Variants in HMSD observed in about 807,000 individuals in gnomAD.
HMSD encodes serpin-like protein HMSD.
Under a neutral mutation model 10.0 loss-of-function variants are expected in HMSD, and 13 were observed. The observed-to-expected ratio is 1.31, with a 90% CI of 0.85 to 2.08. HMSD has a LOEUF of 2.08. Ranked by LOEUF, HMSD falls within the 30% of genes most tolerant of loss-of-function variation. HMSD has a pLI of 0.00. For synonymous variants in HMSD, 51 were observed against 54.2 expected (o/e 0.94, Z 0.26); for missense variants, 169 against 166.3 (o/e 1.02, Z -0.09).
chr18:63,953,172 T>C (rs66537233), intron 1 of HMSD, among the ~76,000 whole-genome samples, 182 bp from the exon 2 acceptor site: 49,722 of 152,054 alleles, frequency 0.33, 8,872 homozygotes, highest in African/African-American at 0.47. Flanking sequence ...ACAGCACCTA[T>C]CTCATCAGCT....
intron 1 of HMSD, among the ~76,000 whole-genome samples, chr18:63,952,039 AC>A (rs2050333262): frequency 6.6e-6 from 1 of 150,650 alleles, no homozygotes; most frequent in African/African-American, 2.4e-5. Flanking sequence ...TATCGCAAGA[AC>A]AAAAAACCAA....
At position 63,949,384 on chromosome 18, in the gene HMSD, C is replaced by A. The variant is rs1191528265; in HGVS notation, c.-119C>A. The A allele has an allele frequency of 6.6e-6, 1 of 152,426 alleles. No individual in the cohort carries two copies. The highest frequency in any genetic ancestry group is 1.9e-4 in the East Asian group (1 of 5,210). 9.4% of individuals were successfully genotyped at this position (152,426 alleles called of 1,614,324 possible). A position where few individuals can be genotyped will look rare whatever the true frequency, so the allele number is the denominator to read the frequency against. ...CCGGTCTCACTTCGCTCCTGGGCAG[C>A]TGCGCGGAGAACTGGGGTAGGTGTT... On this transcript the variant is annotated 5_prime_UTR_variant, in exon 1 of 4. It adds an upstream start codon to the 5' untranslated region. Transcript: ENST00000408945.
At chr18:63,965,749 G>A (rs1385935919), downstream of HMSD, among the ~76,000 whole-genome samples, 1 of 152,200 alleles carries the variant, frequency 6.6e-6, no homozygotes, top group Non-Finnish European at 1.5e-5. Flanking sequence ...AGGAATACCT[G>A]AGGCTGGGTA....
chr18:63,963,101 CTTT>C (rs1331952047), downstream of HMSD, among the ~76,000 whole-genome samples: 87 of 133,030 alleles, frequency 6.5e-4, 2 homozygotes, highest in African/African-American at 2.6e-3. Flanking sequence ...TTCTTTCTTT[CTTT>C]CTTTCTTTCT....
downstream of HMSD, among the ~76,000 whole-genome samples, chr18:63,963,089 CTTTCTTTCTTTCTT>C (rs1281251116): frequency 8.3e-6 from 1 of 120,962 alleles, no homozygotes; most frequent in Non-Finnish European, 1.7e-5. Flanking sequence ...TTCTTTCTTT[CTTTCTTTCTTTCTT>C]TCTTTCTTTC....
intron 3 of HMSD, chr18:63,967,009 CA>C (rs2050412574): frequency 6.6e-6 from 1 of 152,210 alleles, no homozygotes; most frequent in African/African-American, 2.4e-5. Context: ...TACACTTTCT[CA>C]AAACCAGGGA....
intron 3 of HMSD, among the ~76,000 whole-genome samples, chr18:63,958,763 C>T (rs1338389709): frequency 2.0e-5 from 3 of 152,040 alleles, no homozygotes; most frequent in South Asian, 2.1e-4. Flanking sequence ...TATGTGGCAC[C>T]GCTCTGGACA....
chr18:63,967,063 G>T (rs1471725090), intron 3 of HMSD, among the ~76,000 whole-genome samples: 2 of 152,176 alleles, frequency 1.3e-5, no homozygotes, highest in Non-Finnish European at 2.9e-5. Flanking sequence ...CTGTGGCCGG[G>T]CATATATGAA....
chr18:63,956,794 C>T (rs2050360883), intron 3 of HMSD, among the ~76,000 whole-genome samples: 1 of 152,106 alleles, frequency 6.6e-6, no homozygotes, highest in Non-Finnish European at 1.5e-5. Context: ...CAGCACTATT[C>T]ACAATGGCAA....
At chr18:63,949,900 G>A (rs2050320297) in intron 1 of HMSD, among the ~76,000 whole-genome samples, 1 of 150,844 alleles carries the variant, frequency 6.6e-6, no homozygotes, top group African/African-American at 2.5e-5. Flanking sequence ...ACCAGGAGAG[G>A]CGTTGATAGT....
chr18:63,955,840 C>T (rs905296424), intron 3 of HMSD, among the ~76,000 whole-genome samples: 7 of 152,178 alleles, frequency 4.6e-5, no homozygotes, highest in Non-Finnish European at 1.0e-4. Flanking sequence ...TCAGGAGGAC[C>T]CCTACAAAAT....
downstream of HMSD, chr18:63,966,436 T>C (rs957877893): frequency 2.0e-5 from 3 of 152,210 alleles, no homozygotes; most frequent in African/African-American, 7.2e-5. Flanking sequence ...AATGTACTTG[T>C]GTAAATCGAA....
chr18:63,963,150 TCTC>T (rs1391674326), downstream of HMSD, among the ~76,000 whole-genome samples: 13 of 139,154 alleles, frequency 9.3e-5, 1 homozygote, highest in Non-Finnish European at 1.6e-4. Context: ...TTCTTCTCTC[TCTC>T]TTCTTTCTTT....
chr18:63,950,075 C>T (rs2050321126), intron 1 of HMSD, among the ~76,000 whole-genome samples: 1 of 152,134 alleles, frequency 6.6e-6, no homozygotes, highest in African/African-American at 2.4e-5. Context: ...AATTGAAATA[C>T]ATGTTACAAC....
In HMSD at chr18:63,960,316, CA is replaced by C. The variant is rs1184765618; in HGVS notation, c.382del (p.Ser128ValfsTer3). The C allele has an allele frequency of 6.2e-7, 1 of 1,600,668 alleles. No individual in the cohort carries two copies. Among genetic ancestry groups the C allele is most frequent in the Non-Finnish European group, 8.5e-7 (1 of 1,173,112 alleles). On this transcript the variant is annotated frameshift_variant, in exon 4 of 4. Coordinates refer to ENST00000408945, the MANE Select transcript of HMSD (RefSeq NM_001123366.2). LOFTEE classifies it high-confidence loss of function. ...TATTCTATTTCGATAATATTTTAAA[CA>C]GTTTTATAGTCAGTTCTTTACAAAA... ...LLFYFDNILN[S>X]FIVSSLQNCQ...
chr18:63,949,665 T>TG (rs2050318815), intron 1 of HMSD, among the ~76,000 whole-genome samples: 1 of 151,876 alleles, frequency 6.6e-6, no homozygotes, highest in South Asian at 2.1e-4. Context: ...GGCGCGGAGC[T>TG]GGGGGGTGAA....
At chr18:63,951,627 G>GA (rs2050331167) in intron 1 of HMSD, among the ~76,000 whole-genome samples, 1 of 152,122 alleles carries the variant, frequency 6.6e-6, no homozygotes, top group Non-Finnish European at 1.5e-5. Context: ...GTGACATAAG[G>GA]AAAAACAGAC....
chr18:63,955,085 A>G (rs542094528), intron 3 of HMSD, among the ~76,000 whole-genome samples: 70 of 152,308 alleles, frequency 4.6e-4, no homozygotes, highest in Middle Eastern at 3.4e-3. Context: ...AAACCAAGAG[A>G]TGTCATCAGC....
intron 1 of HMSD, among the ~76,000 whole-genome samples, chr18:63,951,040 A>G (rs1407926873): frequency 6.6e-6 from 1 of 152,252 alleles, no homozygotes; most frequent in African/African-American, 2.4e-5. Context: ...AATAAGTTTT[A>G]TAATCACTGT....
Sources: gnomAD v4.1 joint callset for allele counts (sites outside exome capture counted in the v4.1 genomes callset) on GRCh38, gnomAD v4.1.1 for gene constraint, MANE v1.5 for transcripts, NCBI Gene and HGNC (gene_info 2026-07-23, HGNC 2026-07-21) for gene names.